The following ASTN1 variants were observed in gnomAD, a reference collection of about 807,000 sequenced individuals.
The protein encoded by ASTN1 is astrotactin-1.
A neutral mutation model predicts 140.7 loss-of-function variants in ASTN1; 41 were observed. The observed-to-expected ratio is 0.29, with a 90% CI of 0.23 to 0.38. The LOEUF is 0.38. Among genes scored for constraint, ASTN1 ranks in the 10% least tolerant of loss-of-function variants. The pLI, the probability that ASTN1 is intolerant of heterozygous loss-of-function variation, is 1.00. For synonymous variants in ASTN1, 640 were observed against 652.2 expected (o/e 0.98, Z 0.29); for missense variants, 1,479 against 1,678.8 (o/e 0.88, Z 2.08).
At chr1:176,927,332 C>A (rs1671015359) in intron 16 of ASTN1, among the ~76,000 whole-genome samples, 1 of 151,620 alleles carries the variant, frequency 6.6e-6, no homozygotes, top group South Asian at 2.1e-4. Flanking sequence ...CTGATATGCA[C>A]CAAAAGTAAT....
chr1:176,864,275 C>A lies in ASTN1; in HGVS notation c.*9G>T, dbSNP rs748957256. On this transcript the variant is annotated 3_prime_UTR_variant, in exon 23 of 23. Transcript: ENST00000361833. ...TTCATTCTGGCAGCAGCTCCCTGGC[C>A]TTATGGTGCTAGATCTCTTTGCTGT... 16 of 1,613,152 alleles carry A rather than the reference C, an allele frequency of 9.9e-6. 1 individual carries two copies. In the South Asian group the frequency reaches 1.4e-4, roughly 14 times the overall value.
At position 177,164,584 on chromosome 1, in the gene ASTN1, C is replaced by T. The variant is rs1410930682; in HGVS notation, c.93G>A (p.Lys31=). 1 of 1,613,680 alleles carries T rather than the reference C, an allele frequency of 6.2e-7. No homozygotes were observed. The highest frequency in any genetic ancestry group is 1.3e-5 in the African/African-American group (1 of 74,906). The stretch of plus-strand genomic sequence containing the variant: ...TGCTTTTGAGCTTGCACTCCAGCTC[C>T]TTGGATGGATCCACGTCGCCGGCGG... ...ATAAGDVDPS[K]ELECKLKSIT... The change falls in exon 1 of 23, where the codon AAG becomes AAA. Residue 31 remains lysine (K), a synonymous_variant. Transcript: ENST00000361833.
intron 16 of ASTN1, among the ~76,000 whole-genome samples, chr1:176,895,196 T>C (rs1441158054): frequency 1.3e-5 from 2 of 152,254 alleles, no homozygotes; most frequent in African/African-American, 4.8e-5. Flanking sequence ...ATAGTATCTA[T>C]GTCTAGCATT....
chr1:176,987,834 G>A (rs1230437406), intron 8 of ASTN1, among the ~76,000 whole-genome samples: 1 of 152,158 alleles, frequency 6.6e-6, no homozygotes, highest in African/African-American at 2.4e-5. Context: ...AATAGCTTTG[G>A]GAATAGCAAG....
At chr1:177,064,645 A>C (rs923937884) in intron 1 of ASTN1, among the ~76,000 whole-genome samples, 1 of 152,218 alleles carries the variant, frequency 6.6e-6, no homozygotes, top group Non-Finnish European at 1.5e-5. Context: ...ATCTCTACAG[A>C]CAGTGAGTTC....
In ASTN1 at chr1:176,945,934, T is replaced by A; in HGVS notation, c.2241A>T (p.Gly747=). The change falls in exon 13 of 23, where the codon GGA becomes GGT. Residue 747 remains glycine (G), a synonymous_variant. Coordinates refer to ENST00000361833, the MANE Select transcript of ASTN1 (RefSeq NM_004319.3). ...KEVAAGQVLK[G]TFRQNNFARG... is the part of the protein sequence containing the mutation. ...ATGTATATGAGGTTTACCTGAATGT[T>A]CCTTTCAGCACCTGTCCGGCAGCCA... 6.2e-7 allele frequency: 1 copy of A among 1,609,458 alleles called. No homozygotes were observed. Among genetic ancestry groups the A allele is most frequent in the Admixed American group, 1.7e-5 (1 of 59,782 alleles).
intron 2 of ASTN1, among the ~76,000 whole-genome samples, chr1:177,035,898 A>T (rs2101984093): frequency 6.6e-6 from 1 of 152,326 alleles, no homozygotes; most frequent in Non-Finnish European, 1.5e-5. Context: ...CATTTTTCTT[A>T]AAAACATAAC....
intron 11 of ASTN1, among the ~76,000 whole-genome samples, chr1:176,956,628 G>A (rs1672417204): frequency 6.6e-6 from 1 of 152,172 alleles, no homozygotes; most frequent in Non-Finnish European, 1.5e-5. Context: ...CCTCTCCTCT[G>A]CTGTCAATCT....
intron 14 of ASTN1, among the ~76,000 whole-genome samples, chr1:176,942,818 G>A (rs1156244527): frequency 6.3e-5 from 2 of 31,954 alleles, no homozygotes; most frequent in African/African-American, 2.2e-4. Context: ...CTTTGTGTGT[G>A]TGTATATATA....
At chr1:177,078,947 T>C (rs1227891100) in intron 1 of ASTN1, among the ~76,000 whole-genome samples, 1 of 149,112 alleles carries the variant, frequency 6.7e-6, no homozygotes, top group East Asian at 1.9e-4. Flanking sequence ...AAAAAATCAA[T>C]TTGAGTAGAA....
chr1:177,008,825 G>T (rs775012812), intron 8 of ASTN1, among the ~76,000 whole-genome samples: 3 of 152,160 alleles, frequency 2.0e-5, no homozygotes, highest in Admixed American at 6.5e-5. Context: ...CACAGACAAT[G>T]AAGTCTGGGC....
chr1:177,110,270 A>T (rs1680759512), intron 1 of ASTN1, among the ~76,000 whole-genome samples: 1 of 152,276 alleles, frequency 6.6e-6, no homozygotes, highest in African/African-American at 2.4e-5. Context: ...GACCTTTAAA[A>T]TAAGTTATAA....
At chr1:177,129,352 G>A (rs1040348400) in intron 1 of ASTN1, among the ~76,000 whole-genome samples, 2 of 152,176 alleles carry the variant, frequency 1.3e-5, no homozygotes, top group African/African-American at 4.8e-5. Context: ...AAGGACAGAG[G>A]AAAGGCTTGG....
chr1:177,147,163 A>C (rs1682755324), intron 1 of ASTN1, among the ~76,000 whole-genome samples: 1 of 152,174 alleles, frequency 6.6e-6, no homozygotes, highest in Non-Finnish European at 1.5e-5. Flanking sequence ...ATGATTGTAA[A>C]TACCAATTCA....
chr1:177,086,295 T>C (rs1485150142), intron 1 of ASTN1, among the ~76,000 whole-genome samples: 6 of 146,562 alleles, frequency 4.1e-5, no homozygotes, highest in South Asian at 2.2e-4. Flanking sequence ...AAAAAACTCC[T>C]TTTTTCACCT....
At chr1:176,928,499 G>A (rs1671067627) in intron 16 of ASTN1, among the ~76,000 whole-genome samples, 1 of 152,314 alleles carries the variant, frequency 6.6e-6, no homozygotes, top group African/African-American at 2.4e-5. Flanking sequence ...AAAGAGCTGT[G>A]AGAGCATAAA....
chr1:176,915,387 C>G (rs1490187689), intron 16 of ASTN1, among the ~76,000 whole-genome samples: 2 of 152,174 alleles, frequency 1.3e-5, no homozygotes, highest in Non-Finnish European at 2.9e-5. Flanking sequence ...TATCTAACTA[C>G]CAAACCCTCC....
At chr1:176,982,210 T>C (rs149870077) in intron 8 of ASTN1, among the ~76,000 whole-genome samples, 3 of 152,296 alleles carry the variant, frequency 2.0e-5, no homozygotes, top group African/African-American at 7.2e-5. Flanking sequence ...TTGTTATTAA[T>C]TGATTCCTGT....
intron 1 of ASTN1, among the ~76,000 whole-genome samples, chr1:177,098,879 T>A (rs1304183704): frequency 6.6e-6 from 1 of 152,150 alleles, no homozygotes; most frequent in Non-Finnish European, 1.5e-5. Context: ...AATAACCCCA[T>A]CTGTGATTTA....
Sources: allele counts gnomAD v4.1 joint callset (sites outside exome capture counted in the v4.1 genomes callset), GRCh38; gene constraint gnomAD v4.1.1; transcripts MANE v1.5; gene names NCBI Gene and HGNC (gene_info 2026-07-23, HGNC 2026-07-21).